The following PLS3 variants were observed in gnomAD, a reference collection of about 807,000 sequenced individuals.
The protein encoded by PLS3 is plastin 3, also known as plastin-3.
In PLS3, 11 loss-of-function variants were observed where a neutral mutation model predicts 46.5. The ratio of observed to expected loss-of-function variants is 0.24; its 90% CI spans 0.15 to 0.39. PLS3 has a LOEUF of 0.39. Ranked by LOEUF, PLS3 falls within the 10% of genes least tolerant of loss-of-function variation. PLS3 has a pLI of 1.00. For missense variants in PLS3, 308 were observed against 461.8 expected (o/e 0.67, Z 3.05); for synonymous variants, 167 against 162.2 (o/e 1.03, Z -0.22).
At position 115,598,413 on chromosome X, in the gene PLS3, T is replaced by G. The variant is rs186231705; in HGVS notation, c.-8-11830T>G. 1.3e-4 allele frequency among the ~76,000 whole-genome samples: 14 copies of G among 111,536 alleles called. No individual in the cohort carries two copies. In the East Asian group the frequency reaches 3.7e-3, roughly 29 times the overall value. On this transcript the variant is annotated intron_variant, in intron 1 of 15. Transcript: ENST00000355899. ...TCTGCTTCAACCTTTCCTAGACTTT[T>G]AGGACTAGGAACCTATGACACACGT...
intron 9 of PLS3, among the ~76,000 whole-genome samples, chrX:115,642,076 G>A (rs1482338309): frequency 1.1e-5 from 1 of 86,965 alleles, no homozygotes; most frequent in African/African-American, 4.5e-5. Context: ...ACGAGGTTTC[G>A]CCATGTTGGC....
At chrX:115,604,783 G>GT (rs57269028) in intron 1 of PLS3, among the ~76,000 whole-genome samples, 1,689 of 111,739 alleles carry the variant, frequency 0.015, 34 homozygotes, top group African/African-American at 0.052. Flanking sequence ...TAGAGCTTCT[G>GT]TTATTTTAAT....
chrX:115,615,504 A>AGAGAGAGAGAGAGAGAGAGAGAGT, intron 2 of PLS3, among the ~76,000 whole-genome samples: 1 of 104,536 alleles, frequency 9.6e-6, no homozygotes, highest in Non-Finnish European at 2.0e-5. Context: ...AGAGAGAGAG[A>AGAGAGAGAGAGAGAGAGAGAGAGT]GAGAGAGAGA....
At chrX:115,649,229 G>C (rs781839219) in intron 15 of PLS3, among the ~76,000 whole-genome samples, 200 bp from the exon 16 acceptor site, 29 of 111,690 alleles carry the variant, frequency 2.6e-4, no homozygotes, top group African/African-American at 8.8e-4. Flanking sequence ...AAATAATAGA[G>C]CTTAAAAACC....
intron 8 of PLS3, 63 bp from the exon 9 acceptor site, chrX:115,640,345 G>T: frequency 1.3e-6 from 1 of 764,938 alleles, no homozygotes; most frequent in Non-Finnish European, 2.0e-6. Flanking sequence ...TCCAAACATG[G>T]GACAATAGGA....
At chrX:115,633,504 C>T (rs2074799492) in intron 5 of PLS3, among the ~76,000 whole-genome samples, 1 of 109,742 alleles carries the variant, frequency 9.1e-6, no homozygotes, top group African/African-American at 3.3e-5. Flanking sequence ...ATTTATTTTT[C>T]TTTTGAGACG....
chrX:115,649,543 G>A lies in PLS3; in HGVS notation c.1875G>A (p.Arg625=). The stretch of plus-strand genomic sequence containing the variant: ...CTGTGTTTGCATGTTTGATGGGCAG[G>A]GGAATGAAGAGAGTGTAAAATAACC... ...VMTVFACLMG[R]GMKRV is the part of the protein sequence containing the mutation. Residue 625 remains arginine (R), a synonymous_variant, in exon 16 of 16, where the codon AGG becomes AGA. Transcript: ENST00000355899. 1 of 1,207,911 alleles carries A rather than the reference G, an allele frequency of 8.3e-7. No homozygotes were observed. The highest frequency in any genetic ancestry group is 1.1e-6 in the Non-Finnish European group (1 of 893,175).
intron 2 of PLS3, among the ~76,000 whole-genome samples, chrX:115,614,876 C>T (rs1460014016): frequency 2.7e-5 from 3 of 112,073 alleles, no homozygotes; most frequent in Non-Finnish European, 5.6e-5. Context: ...GGATATGCAT[C>T]TGCACTTGCT....
chrX:115,646,044 A>T, intron 11 of PLS3, 28 bp from the exon 12 acceptor site: 1 of 876,031 alleles, frequency 1.1e-6, no homozygotes, highest in East Asian at 3.1e-5. Context: ...TCCTGAAAAC[A>T]CTGATTACAT....
At chrX:115,567,458 G>A (rs2074183191) in intron 1 of PLS3, among the ~76,000 whole-genome samples, 1 of 109,943 alleles carries the variant, frequency 9.1e-6, no homozygotes, top group Admixed American at 9.8e-5. Flanking sequence ...AAGCACGGTG[G>A]CACGGGCTTG....
At chrX:115,585,519 T>C (rs1277969516) in intron 1 of PLS3, among the ~76,000 whole-genome samples, 1 of 109,791 alleles carries the variant, frequency 9.1e-6, no homozygotes, top group African/African-American at 3.3e-5. Context: ...GGCTCCTAAG[T>C]AGCTGGGATT....
chrX:115,636,301 G>T (rs187984492), intron 7 of PLS3, among the ~76,000 whole-genome samples: 76 of 106,358 alleles, frequency 7.1e-4, no homozygotes, highest in Non-Finnish European at 1.2e-3. Context: ...CCACCTCCCG[G>T]GTTCACGCCA....
rs369396944 is a variant in PLS3 at position 115,567,764 on chromosome X, C to T, written c.-9+6504C>T. 3.6e-4 allele frequency among the ~76,000 whole-genome samples: 32 copies of T among 89,726 alleles called. 1 individual carries two copies. In the Admixed American group the frequency reaches 3.9e-3, roughly 11 times the overall value. 77.9% of individuals were successfully genotyped at this position (89,726 alleles called of 115,157 possible). On this transcript the variant is annotated intron_variant, in intron 1 of 15. Transcript: ENST00000355899. ...TCTCACTCTGTCGCCCATTCATACT[C>T]TGTCCAGTTCATTGAAAATACAAGT...
intron 1 of PLS3, among the ~76,000 whole-genome samples, chrX:115,578,593 C>T (rs1012557262): frequency 1.0e-5 from 1 of 98,318 alleles, no homozygotes; most frequent in Non-Finnish European, 2.0e-5. Flanking sequence ...GGCGTGGTGG[C>T]GGGCGCCTGT....
At chrX:115,582,192 G>C (rs782565765) in intron 1 of PLS3, among the ~76,000 whole-genome samples, 10 of 112,304 alleles carry the variant, frequency 8.9e-5, no homozygotes, top group Non-Finnish European at 1.9e-4. Context: ...CTCATCAAAA[G>C]AATTCTGCTA....
At chrX:115,631,176 C>T (rs1167831440) in intron 5 of PLS3, among the ~76,000 whole-genome samples, 1 of 106,110 alleles carries the variant, frequency 9.4e-6, no homozygotes, top group African/African-American at 3.4e-5. Flanking sequence ...CTGCCTCAGC[C>T]TCCTGAGTAG....
At chrX:115,609,368 T>A (rs2147486844) in intron 1 of PLS3, among the ~76,000 whole-genome samples, 1 of 111,946 alleles carries the variant, frequency 8.9e-6, no homozygotes, top group East Asian at 2.8e-4. Flanking sequence ...AATATATTAT[T>A]TCTATCAGTT....
chrX:115,568,811 A>T (rs893846821), intron 1 of PLS3, among the ~76,000 whole-genome samples: 7 of 112,354 alleles, frequency 6.2e-5, no homozygotes, highest in African/African-American at 9.7e-5. Flanking sequence ...AGGCAGGCAG[A>T]TCACTTGAGG....
chrX:115,632,954 T>C (rs1247272067), intron 5 of PLS3, among the ~76,000 whole-genome samples: 1 of 110,446 alleles, frequency 9.1e-6, no homozygotes, highest in African/African-American at 3.3e-5. Flanking sequence ...TAGGCTAGAC[T>C]TGAACTCTTG....
Sources: allele counts gnomAD v4.1 joint callset (sites outside exome capture counted in the v4.1 genomes callset), GRCh38; gene constraint gnomAD v4.1.1; transcripts MANE v1.5; gene names NCBI Gene and HGNC (gene_info 2026-07-23, HGNC 2026-07-21).